The following GABRR3 variants were observed in gnomAD, a reference collection of about 807,000 sequenced individuals.
The protein encoded by GABRR3 is gamma-aminobutyric acid type A receptor subunit rho3.
GABRR3 carries 29 observed loss-of-function variants against 43.2 expected under a neutral mutation model. That is an observed-to-expected ratio of 0.67 (90% CI 0.50 to 0.92). The LOEUF (loss-of-function observed/expected upper bound fraction) is 0.92, where lower values mean the gene tolerates loss of function less well. Among genes scored for constraint, GABRR3 ranks in the 40% least tolerant of loss-of-function variants. The pLI is 0.00. For missense variants in GABRR3, 576 were observed against 572.3 expected, an observed-to-expected ratio of 1.01 and a Z score of -0.07; for synonymous variants, 206 against 195.9, an observed-to-expected ratio of 1.05 and a Z score of -0.43.
exon 8 of GABRR3, chr3:98,001,698 T>C (rs779757579): frequency 1.2e-6 from 2 of 1,613,248 alleles, no homozygotes; most frequent in Non-Finnish European, 1.7e-6. Context: ...GGCTGGGAAA[T>C]AGGTTTGCAG....
intron 4 of GABRR3, among the ~76,000 whole-genome samples, chr3:98,016,194 G>A (rs941170226): frequency 1.3e-5 from 2 of 152,128 alleles, no homozygotes; most frequent in Non-Finnish European, 2.9e-5. Flanking sequence ...TTTGGGTGGG[G>A]AACACAGAGC....
At chr3:97,992,237 G>A (rs960925795) in intron 9 of GABRR3, among the ~76,000 whole-genome samples, 2 of 152,014 alleles carry the variant, frequency 1.3e-5, no homozygotes, top group Non-Finnish European at 2.9e-5. Flanking sequence ...CCACTCTCCC[G>A]AGTGACAAGA....
intron 4 of GABRR3, among the ~76,000 whole-genome samples, chr3:98,014,955 A>G (rs559768489): frequency 1.2e-4 from 19 of 152,214 alleles, no homozygotes; most frequent in Non-Finnish European, 1.2e-4. Context: ...AAATCACTAT[A>G]TAAGCTACAG....
At chr3:98,019,425 C>G (rs1003991645) in intron 3 of GABRR3, among the ~76,000 whole-genome samples, 3 of 152,118 alleles carry the variant, frequency 2.0e-5, no homozygotes, top group Non-Finnish European at 4.4e-5. Context: ...AATCCATGCC[C>G]TCGGTATCAT....
intron 9 of GABRR3, among the ~76,000 whole-genome samples, chr3:97,988,780 G>A (rs533872622): frequency 5.9e-5 from 9 of 151,892 alleles, no homozygotes; most frequent in Admixed American, 2.0e-4. Flanking sequence ...CATGATGGTG[G>A]CGTTTGGTAG....
intron 2 of GABRR3, among the ~76,000 whole-genome samples, chr3:98,031,903 C>A (rs1015616783): frequency 6.6e-6 from 1 of 152,056 alleles, no homozygotes; most frequent in Admixed American, 6.6e-5. Context: ...GCCTGAGAAC[C>A]TACTGGCTTT....
intron 7 of GABRR3, among the ~76,000 whole-genome samples, chr3:98,006,153 A>C (rs1041227170): frequency 6.6e-6 from 1 of 152,118 alleles, no homozygotes; most frequent in African/African-American, 2.4e-5. Context: ...ATATCAAAAT[A>C]ATAATATAGT....
intron 3 of GABRR3, 121 bp downstream of exon 3, chr3:98,025,446 G>T (rs879314564): frequency 1.7e-6 from 1 of 605,960 alleles, no homozygotes; most frequent in Non-Finnish European, 2.8e-6. Context: ...GATTGTAAAA[G>T]CCTTCTTTTT....
chr3:97,997,183 A>G (rs1309044875), intron 8 of GABRR3, among the ~76,000 whole-genome samples: 1 of 152,166 alleles, frequency 6.6e-6, no homozygotes, highest in African/African-American at 2.4e-5. Context: ...AAGATGAGAG[A>G]GACCATGTGT....
chr3:98,013,580 A>G (rs1174069927), intron 4 of GABRR3, among the ~76,000 whole-genome samples: 1 of 152,202 alleles, frequency 6.6e-6, no homozygotes, highest in Non-Finnish European at 1.5e-5. Flanking sequence ...ATATCATAGA[A>G]CTTTGGCATT....
At chr3:97,988,598 G>A (rs1706416902) in intron 9 of GABRR3, among the ~76,000 whole-genome samples, 1 of 151,818 alleles carries the variant, frequency 6.6e-6, no homozygotes, top group African/African-American at 2.4e-5. Context: ...GGTGAATTGT[G>A]GTGGTGGGTG....
chr3:98,002,336 C>T (rs1706660340), intron 7 of GABRR3, among the ~76,000 whole-genome samples: 1 of 152,062 alleles, frequency 6.6e-6, no homozygotes, highest in African/African-American at 2.4e-5. Flanking sequence ...AAAAAGTAAC[C>T]AACTGATGTT....
intron 7 of GABRR3, among the ~76,000 whole-genome samples, chr3:98,004,243 T>C (rs1413730455): frequency 2.0e-5 from 3 of 152,220 alleles, no homozygotes; most frequent in African/African-American, 7.2e-5. Flanking sequence ...AGCTACTAAC[T>C]AATATTTATT....
intron 2 of GABRR3, among the ~76,000 whole-genome samples, 171 bp from the exon 3 acceptor site, chr3:98,025,850 A>G (rs1020323912): frequency 2.6e-5 from 4 of 152,244 alleles, no homozygotes; most frequent in Non-Finnish European, 4.4e-5. Context: ...TCTTTATTAT[A>G]TAAGTGTGGA....
chr3:98,015,697 G>A (rs566144736), intron 4 of GABRR3, among the ~76,000 whole-genome samples: 8 of 152,232 alleles, frequency 5.3e-5, no homozygotes, highest in East Asian at 3.9e-4. Context: ...AGAGGATGAC[G>A]GAAAAGATAG....
At chr3:97,998,635 A>C (rs1012019844) in intron 8 of GABRR3, 1 of 152,124 alleles carries the variant, frequency 6.6e-6, no homozygotes, top group Non-Finnish European at 1.5e-5. Context: ...CTCCCTTTTC[A>C]AACTATGTAT....
At chr3:97,991,656 A>G (rs1279285547) in intron 9 of GABRR3, among the ~76,000 whole-genome samples, 1 of 152,210 alleles carries the variant, frequency 6.6e-6, no homozygotes, top group Non-Finnish European at 1.5e-5. Context: ...CTGTTGGCAA[A>G]TCACTTCATT....
chr3:98,028,224 T>G (rs1274608933), intron 2 of GABRR3, among the ~76,000 whole-genome samples: 1 of 152,182 alleles, frequency 6.6e-6, no homozygotes, highest in African/African-American at 2.4e-5. Flanking sequence ...TAAAACTCGG[T>G]TTTTGCATTA....
intron 4 of GABRR3, among the ~76,000 whole-genome samples, chr3:98,013,373 T>C (rs1265145189): frequency 6.6e-6 from 1 of 152,222 alleles, no homozygotes; most frequent in Non-Finnish European, 1.5e-5. Flanking sequence ...TTGAGTTTTG[T>C]TTGGCTCTCA....
Sources: gnomAD v4.1 joint callset for allele counts (sites outside exome capture counted in the v4.1 genomes callset) on GRCh38, gnomAD v4.1.1 for gene constraint, MANE v1.5 for transcripts, NCBI Gene and HGNC (gene_info 2026-07-23, HGNC 2026-07-21) for gene names.